The following LDLRAD3 variants were observed in gnomAD, a reference collection of about 807,000 sequenced individuals.
LDLRAD3 encodes low density lipoprotein receptor class A domain containing 3.
A neutral mutation model predicts 29.4 loss-of-function variants in LDLRAD3; 20 were observed. That is an observed-to-expected ratio of 0.68 (90% CI 0.48 to 0.99). The LOEUF (loss-of-function observed/expected upper bound fraction) is 0.99, where lower values mean the gene tolerates loss of function less well. LDLRAD3 is among the 50% of genes least tolerant of loss of function. The pLI, the probability that LDLRAD3 is intolerant of heterozygous loss-of-function variation, is 0.00. For missense variants in LDLRAD3, 420 were observed against 454.3 expected (o/e 0.92, Z 0.69); for synonymous variants, 157 against 192.7 (o/e 0.81, Z 1.53).
At chr11:36,006,835 A>G (rs1426971590) in intron 1 of LDLRAD3, among the ~76,000 whole-genome samples, 3 of 152,232 alleles carry the variant, frequency 2.0e-5, no homozygotes, top group Non-Finnish European at 2.9e-5. Flanking sequence ...GTGGATTCAG[A>G]CCTTACTTCT....
intron 1 of LDLRAD3, among the ~76,000 whole-genome samples, chr11:35,971,178 C>T (rs1428716204): frequency 6.6e-6 from 1 of 152,172 alleles, no homozygotes; most frequent in Non-Finnish European, 1.5e-5. Flanking sequence ...GAACTCCCAC[C>T]CCTGCCTACA....
chr11:36,081,095 C>T (rs916526192), intron 2 of LDLRAD3, among the ~76,000 whole-genome samples: 4 of 152,182 alleles, frequency 2.6e-5, no homozygotes, highest in Admixed American at 1.3e-4. Context: ...TCCAAGTTCC[C>T]AGACTCCAGC....
At position 35,982,020 on chromosome 11, in the gene LDLRAD3, G is replaced by A. The variant is rs1046502792; in HGVS notation, c.46+37876G>A. 2.0e-5 allele frequency among the ~76,000 whole-genome samples: 3 copies of A among 152,130 alleles called. No homozygotes were observed. The South Asian group carries it at 6.2e-4, about 32-fold the overall frequency. On this transcript the variant is annotated intron_variant, in intron 1 of 5. Coordinates refer to ENST00000315571, the MANE Select transcript of LDLRAD3 (RefSeq NM_174902.4). ...TCTGGGTTGCAGCAGTTAGTCCTAC[G>A]TTCAGGGCCAAGTTGTGTGCCTGCA... is the stretch of plus-strand genomic sequence containing the variant.
intron 1 of LDLRAD3, among the ~76,000 whole-genome samples, chr11:35,953,449 T>G (rs1329406229): frequency 1.3e-5 from 2 of 152,220 alleles, no homozygotes; most frequent in African/African-American, 4.8e-5. Context: ...GTGTTTAATT[T>G]TATTGCATTA....
At chr11:36,027,288 T>A (rs868335738) in intron 1 of LDLRAD3, among the ~76,000 whole-genome samples, 2 of 152,370 alleles carry the variant, frequency 1.3e-5, no homozygotes, top group Middle Eastern at 3.4e-3. Context: ...AGTTTCCTCA[T>A]CGGTGAAAGT....
chr11:35,974,251 C>T (rs925503600), intron 1 of LDLRAD3, among the ~76,000 whole-genome samples: 2 of 152,070 alleles, frequency 1.3e-5, no homozygotes, highest in African/African-American at 4.8e-5. Flanking sequence ...TTAAATCTTT[C>T]CTCTACCTGG....
At chr11:36,023,667 A>G (rs1030444709) in intron 1 of LDLRAD3, among the ~76,000 whole-genome samples, 2 of 152,144 alleles carry the variant, frequency 1.3e-5, no homozygotes, top group African/African-American at 2.4e-5. Flanking sequence ...TTTGCCTGCT[A>G]TGGGGACGAT....
chr11:36,196,676 G>A (rs573565731), intron 4 of LDLRAD3: 18 of 152,312 alleles, frequency 1.2e-4, no homozygotes, highest in African/African-American at 4.1e-4. Context: ...GCTGGTACAC[G>A]CAGTCCTAAT....
chr11:36,105,657 C>G (rs1853518672), intron 4 of LDLRAD3, among the ~76,000 whole-genome samples: 1 of 152,102 alleles, frequency 6.6e-6, no homozygotes, highest in Non-Finnish European at 1.5e-5. Flanking sequence ...TGGGATGATG[C>G]ATTTACAAGC....
intron 1 of LDLRAD3, among the ~76,000 whole-genome samples, chr11:36,033,253 C>T (rs1377976956): frequency 6.6e-6 from 1 of 152,188 alleles, no homozygotes; most frequent in Non-Finnish European, 1.5e-5. Context: ...TGCGGTTGCT[C>T]AGAAGAGCAA....
At chr11:36,136,721 G>A (rs1171708974) in intron 4 of LDLRAD3, among the ~76,000 whole-genome samples, 2 of 150,388 alleles carry the variant, frequency 1.3e-5, no homozygotes, top group Non-Finnish European at 3.0e-5. Flanking sequence ...TTGAGACAGA[G>A]TCTTAGTCAC....
intron 1 of LDLRAD3, among the ~76,000 whole-genome samples, chr11:35,974,969 G>A (rs533864217): frequency 1.3e-5 from 2 of 152,336 alleles, no homozygotes; most frequent in Admixed American, 1.3e-4. Context: ...AAGGAGTGAA[G>A]CCAGCTGCAA....
chr11:36,105,228 TGTGTGTGTGTGA>T (rs1853509726), intron 4 of LDLRAD3, among the ~76,000 whole-genome samples: 1 of 148,150 alleles, frequency 6.7e-6, no homozygotes, highest in Admixed American at 6.7e-5. Flanking sequence ...TGTGTGTGTG[TGTGTGTGTGTGA>T]GAGAGAGAGA....
At chr11:36,162,442 CTGATTTATAGCTTGCAATAGACT>C (rs1350316743) in intron 4 of LDLRAD3, among the ~76,000 whole-genome samples, 11 of 152,192 alleles carry the variant, frequency 7.2e-5, no homozygotes, top group Non-Finnish European at 1.2e-4. Context: ...CCTTCGTCTC[CTGATTTATAGCTTGCAATAGACT>C]TGTTGAGTGT....
At chr11:36,054,031 C>T (rs538793948) in intron 2 of LDLRAD3, among the ~76,000 whole-genome samples, 2 of 152,236 alleles carry the variant, frequency 1.3e-5, no homozygotes, top group South Asian at 4.2e-4. Context: ...CTGATGCAAA[C>T]CAAACTTTGG....
At chr11:36,042,011 A>T (rs138588679) in intron 2 of LDLRAD3, among the ~76,000 whole-genome samples, 487 of 152,296 alleles carry the variant, frequency 3.2e-3, no homozygotes, top group Admixed American at 6.1e-3. Context: ...ACTGTTCCTG[A>T]CCGTTTCTTG....
At chr11:35,978,821 G>C (rs1851506094) in intron 1 of LDLRAD3, among the ~76,000 whole-genome samples, 2 of 152,176 alleles carry the variant, frequency 1.3e-5, no homozygotes, top group African/African-American at 4.8e-5. Context: ...CAGGTCAGGG[G>C]AGGAAAGAGG....
intron 4 of LDLRAD3, among the ~76,000 whole-genome samples, chr11:36,160,861 CTG>C (rs201435310): frequency 0.048 from 7,254 of 152,142 alleles, 388 homozygotes; most frequent in East Asian, 0.31. Flanking sequence ...ATGGCGCAAT[CTG>C]GGCTCACTGC....
In LDLRAD3 at chr11:36,098,397, C is replaced by T; in HGVS notation, c.390C>T (p.Phe130=). The T allele has an allele frequency of 2.5e-6, 4 of 1,614,236 alleles. No individual in the cohort carries two copies. Among genetic ancestry groups the T allele is most frequent in the Non-Finnish European group, 3.4e-6 (4 of 1,180,032 alleles). The change falls in exon 4 of 6, where the codon TTC becomes TTT. Residue 130 remains phenylalanine, a synonymous_variant. Transcript: ENST00000315571. ...ACGGCCTCTGTATTGACAAGAGCTT[C>T]ATCTGCGATGGACAGAATAACTGTC... ...CKNGLCIDKS[F]ICDGQNNCQD...
Sources: allele counts gnomAD v4.1 joint callset (sites outside exome capture counted in the v4.1 genomes callset), GRCh38; gene constraint gnomAD v4.1.1; transcripts MANE v1.5; gene names NCBI Gene and HGNC (gene_info 2026-07-23, HGNC 2026-07-21).